The following ADAM12 variants were observed in gnomAD, a reference collection of about 807,000 sequenced individuals.
ADAM12 encodes ADAM metallopeptidase domain 12, also known as disintegrin and metalloproteinase domain-containing protein 12.
ADAM12 carries 70 observed loss-of-function variants against 106.4 expected under a neutral mutation model. The observed-to-expected ratio is 0.66, with a 90% CI of 0.54 to 0.80. ADAM12 has a LOEUF of 0.80. Among genes scored for constraint, ADAM12 ranks in the 30% least tolerant of loss-of-function variants. The probability of loss-of-function intolerance (pLI) is 0.00; values close to 1 mark genes in which losing one functional copy is unlikely to be tolerated. For synonymous variants in ADAM12, 420 were observed against 433.5 expected (o/e 0.97, Z 0.39); for missense variants, 1,010 against 1,171.9 (o/e 0.86, Z 2.02).
At chr10:126,186,097 T>C (rs879683495) in intron 3 of ADAM12, among the ~76,000 whole-genome samples, 1 of 152,160 alleles carries the variant, frequency 6.6e-6, no homozygotes, top group Non-Finnish European at 1.5e-5. Flanking sequence ...CCAAGGGTTG[T>C]GGCAAGGGTG....
rs180756823 is a variant in ADAM12, at chr10:126,254,169, G to A, written c.260+24746C>T. Among the ~76,000 whole-genome samples, 585 of 152,290 alleles carry A rather than the reference G, an allele frequency of 3.8e-3. 2 individuals are homozygous for A. Among genetic ancestry groups the A allele is most frequent in the Non-Finnish European group, 6.6e-3 (451 of 68,026 alleles). On this transcript the variant is annotated intron_variant, in intron 3 of 22. Transcript: ENST00000448723. ...GTTCAGCTCTCAGCCATTAGAACAGGTTTGTAGCTTGGGGTCTGCAGGCAG... is the reference window on the plus strand; with the variant it reads ...GTTCAGCTCTCAGCCATTAGAACAGATTTGTAGCTTGGGGTCTGCAGGCAG...
chr10:126,301,627 C>G (rs9783128), intron 2 of ADAM12, among the ~76,000 whole-genome samples: 70,800 of 151,820 alleles, frequency 0.47, 16,651 homozygotes, highest in South Asian at 0.51. Context: ...TTTGGAGAAG[C>G]AGGTTGTATT....
intron 8 of ADAM12, among the ~76,000 whole-genome samples, chr10:126,102,896 T>C (rs774410361): frequency 6.6e-6 from 1 of 152,168 alleles, no homozygotes; most frequent in Non-Finnish European, 1.5e-5. Context: ...TTTTCAGCTC[T>C]ATTATATACA....
chr10:126,248,685 G>GTATGTATGTATT (rs1291820531), intron 3 of ADAM12, among the ~76,000 whole-genome samples: 86 of 67,088 alleles, frequency 1.3e-3, no homozygotes, highest in Middle Eastern at 0.012. Flanking sequence ...ATGTATGTAT[G>GTATGTATGTATT]TATTTATTTA....
intron 21 of ADAM12, among the ~76,000 whole-genome samples, chr10:126,028,770 A>T (rs1046481093): frequency 6.6e-6 from 1 of 152,168 alleles, no homozygotes; most frequent in African/African-American, 2.4e-5. Flanking sequence ...CAACATCAAG[A>T]GCAAAAATTG....
intron 3 of ADAM12, among the ~76,000 whole-genome samples, chr10:126,213,957 G>GTT (rs1957943260): frequency 6.6e-6 from 1 of 152,152 alleles, no homozygotes; most frequent in Non-Finnish European, 1.5e-5. Flanking sequence ...GCTTAGCAAA[G>GTT]GTTTTGCTAC....
intron 3 of ADAM12, among the ~76,000 whole-genome samples, chr10:126,157,080 A>G (rs1365001655): frequency 1.3e-5 from 2 of 152,098 alleles, no homozygotes; most frequent in Non-Finnish European, 2.9e-5. Flanking sequence ...ATGTGACCCA[A>G]GCTAAGCCCA....
chr10:126,362,897 C>G (rs2133906020), intron 1 of ADAM12, among the ~76,000 whole-genome samples: 1 of 152,196 alleles, frequency 6.6e-6, no homozygotes, highest in East Asian at 1.9e-4. Flanking sequence ...TAGCTAATAA[C>G]AGTGTGTTGT....
intron 3 of ADAM12, among the ~76,000 whole-genome samples, chr10:126,276,650 A>C (rs545344659): frequency 6.6e-6 from 1 of 152,366 alleles, no homozygotes; most frequent in South Asian, 2.1e-4. Flanking sequence ...TGGTACAAGT[A>C]ATACAATTAA....
At chr10:126,341,801 G>A (rs886567464) in intron 1 of ADAM12, among the ~76,000 whole-genome samples, 1 of 152,220 alleles carries the variant, frequency 6.6e-6, no homozygotes, top group Non-Finnish European at 1.5e-5. Context: ...CCAGAAGGCA[G>A]TGGGCACAGG....
intron 2 of ADAM12, among the ~76,000 whole-genome samples, chr10:126,301,969 T>C (rs973573257): frequency 6.6e-6 from 1 of 152,156 alleles, no homozygotes; most frequent in African/African-American, 2.4e-5. Flanking sequence ...ATCATGACCG[T>C]GGGACAGCTT....
chr10:126,238,082 A>ATT (rs1958453836), intron 3 of ADAM12, among the ~76,000 whole-genome samples: 1 of 152,274 alleles, frequency 6.6e-6, no homozygotes, highest in Non-Finnish European at 1.5e-5. Flanking sequence ...AAAAAAGATC[A>ATT]TTAAAATGGT....
At chr10:126,186,576 G>C (rs1483835704) in intron 3 of ADAM12, among the ~76,000 whole-genome samples, 3 of 152,096 alleles carry the variant, frequency 2.0e-5, no homozygotes, top group Non-Finnish European at 4.4e-5. Flanking sequence ...GGGATGAATG[G>C]GAAGATGGAA....
chr10:126,144,961 G>A (rs1010084711), intron 4 of ADAM12, among the ~76,000 whole-genome samples: 8 of 152,102 alleles, frequency 5.3e-5, no homozygotes, highest in African/African-American at 1.4e-4. Flanking sequence ...TAACCTTGAC[G>A]TATCCTGTCT....
At chr10:126,220,230 C>T (rs941714383) in intron 3 of ADAM12, among the ~76,000 whole-genome samples, 5 of 152,190 alleles carry the variant, frequency 3.3e-5, no homozygotes, top group African/African-American at 1.2e-4. Flanking sequence ...TCTTGATTCA[C>T]GATAACAATA....
intron 10 of ADAM12, among the ~76,000 whole-genome samples, chr10:126,095,357 A>G (rs1165378981): frequency 6.6e-6 from 1 of 151,836 alleles, no homozygotes; most frequent in African/African-American, 2.4e-5. Context: ...ACACAGTTAA[A>G]CCCTGTCTCT....
intron 1 of ADAM12, among the ~76,000 whole-genome samples, chr10:126,380,825 G>A (rs1280249391): frequency 6.6e-6 from 1 of 152,170 alleles, no homozygotes; most frequent in Non-Finnish European, 1.5e-5. Context: ...CACAGCCAAA[G>A]GGTTGTAGGG....
chr10:126,318,990 AGACCTGCCTCTG>A (rs1040758565), intron 2 of ADAM12, among the ~76,000 whole-genome samples: 15 of 152,314 alleles, frequency 9.8e-5, no homozygotes, highest in Admixed American at 3.9e-4. Flanking sequence ...AGCATGGGAA[AGACCTGCCTCTG>A]TAATTAAATT....
chr10:126,342,207 G>A (rs1177075866), intron 1 of ADAM12, among the ~76,000 whole-genome samples: 4 of 152,206 alleles, frequency 2.6e-5, no homozygotes, highest in Admixed American at 6.5e-5. Flanking sequence ...CACAAAGTTA[G>A]GGGACACCTG....
Sources: gnomAD v4.1 joint callset for allele counts (sites outside exome capture counted in the v4.1 genomes callset) on GRCh38, gnomAD v4.1.1 for gene constraint, MANE v1.5 for transcripts, NCBI Gene and HGNC (gene_info 2026-07-23, HGNC 2026-07-21) for gene names.